CTXND1: variants seen among roughly 807,000 people sequenced by gnomAD.
The protein encoded by CTXND1 is cortexin domain containing 1, also known as cortexin domain-containing 1 protein.
chr15:80,250,383 C>T (rs891262691), intron 1 of CTXND1, among the ~76,000 whole-genome samples: 1 of 152,010 alleles, frequency 6.6e-6, no homozygotes, highest in Non-Finnish European at 1.5e-5. Context: ...TAAACAACTC[C>T]TATTCTGCCA....
At chr15:80,248,456 TCCTGGCTTAAAACTCCTCAATCTCTCC>T (rs1235089408) in intron 1 of CTXND1, among the ~76,000 whole-genome samples, 1 of 152,180 alleles carries the variant, frequency 6.6e-6, no homozygotes, top group Non-Finnish European at 1.5e-5. Context: ...CACATTACTC[TCCTGGCTTAAAACTCCTCAATCTCTCC>T]CCATTGTCTA....
intron 1 of CTXND1, among the ~76,000 whole-genome samples, chr15:80,205,664 G>A (rs1444643987): frequency 1.3e-5 from 2 of 152,098 alleles, no homozygotes; most frequent in Admixed American, 6.6e-5. Flanking sequence ...TCCAGACAAC[G>A]AGACACCAGA....
At chr15:80,204,006 C>T (rs1013539843) in intron 1 of CTXND1, among the ~76,000 whole-genome samples, 3 of 150,892 alleles carry the variant, frequency 2.0e-5, no homozygotes, top group African/African-American at 7.3e-5. Context: ...ACAAAAAGTA[C>T]AAAAAGTTTA....
intron 1 of CTXND1, among the ~76,000 whole-genome samples, chr15:80,238,615 G>C (rs1203073696): frequency 6.6e-6 from 1 of 151,904 alleles, no homozygotes; most frequent in Non-Finnish European, 1.5e-5. Flanking sequence ...CTCCCGAGTA[G>C]CTAGGACTAC....
intron 1 of CTXND1, among the ~76,000 whole-genome samples, chr15:80,241,152 C>T (rs1162419095): frequency 4.6e-5 from 7 of 152,098 alleles, no homozygotes; most frequent in Admixed American, 2.0e-4. Context: ...AAGAGCTAAG[C>T]GATGGAGGTG....
chr15:80,232,821 C>T (rs1314393571), intron 1 of CTXND1, among the ~76,000 whole-genome samples: 1 of 152,150 alleles, frequency 6.6e-6, no homozygotes, highest in East Asian at 1.9e-4. Flanking sequence ...AAGTGAAAAA[C>T]AGAAGCCAGA....
chr15:80,242,229 A>G (rs1238380493), intron 1 of CTXND1, among the ~76,000 whole-genome samples: 1 of 152,190 alleles, frequency 6.6e-6, no homozygotes, highest in Non-Finnish European at 1.5e-5. Context: ...GAGAGGCCCT[A>G]AAACGAGTTC....
At chr15:80,233,992 C>A (rs1893462635) in intron 1 of CTXND1, among the ~76,000 whole-genome samples, 1 of 152,178 alleles carries the variant, frequency 6.6e-6, no homozygotes, top group Non-Finnish European at 1.5e-5. Flanking sequence ...TTCCCATTAA[C>A]AGAGGTAAAA....
Position 80,196,399 on chromosome 15 carries a change from C to T in CTXND1, c.*5371G>A, listed in dbSNP as rs1443095562. On this transcript the variant is annotated 3_prime_UTR_variant, in exon 3 of 3. Transcript: ENST00000560778. ...GGTCATTCCACCAGATAAAATTCTC[C>T]AACAGCTAAGGGACTGCCAGAAAGT... 6.6e-6 allele frequency: 1 copy of T among 152,148 alleles called. No homozygotes were observed. The highest frequency in any genetic ancestry group is 1.5e-5 in the Non-Finnish European group (1 of 68,030). 9.4% of individuals were successfully genotyped at this position (152,148 alleles called of 1,614,324 possible). A position where few individuals can be genotyped will look rare whatever the true frequency, so the allele number is the denominator to read the frequency against.
At chr15:80,232,973 T>C (rs1373595843) in intron 1 of CTXND1, among the ~76,000 whole-genome samples, 1 of 148,736 alleles carries the variant, frequency 6.7e-6, no homozygotes, top group Non-Finnish European at 1.5e-5. Flanking sequence ...GACTGAGTCT[T>C]GCTCTGTTTC....
intron 1 of CTXND1, among the ~76,000 whole-genome samples, chr15:80,250,349 C>T (rs1054152216): frequency 2.0e-5 from 3 of 151,608 alleles, no homozygotes; most frequent in Admixed American, 2.0e-4. Context: ...TTTTTTCAGG[C>T]CAATTAAAGT....
intron 1 of CTXND1, among the ~76,000 whole-genome samples, chr15:80,244,472 G>C (rs934704250): frequency 1.3e-5 from 2 of 152,218 alleles, no homozygotes; most frequent in East Asian, 3.8e-4. Flanking sequence ...TTCTTCCAGG[G>C]GGATGTGCAA....
rs1405451948 is a variant in CTXND1 at position 80,197,794 on chromosome 15, A to C, written c.*3976T>G. 1 of 152,220 alleles carries C rather than the reference A, an allele frequency of 6.6e-6. No individual in the cohort carries two copies. Among genetic ancestry groups the C allele is most frequent in the Non-Finnish European group, 1.5e-5 (1 of 68,044 alleles). 9.4% of individuals were successfully genotyped at this position (152,220 alleles called of 1,614,324 possible). A position where few individuals can be genotyped will look rare whatever the true frequency, so the allele number is the denominator to read the frequency against. ...TGAAACCACACTAGTGGACACACCA[A>C]ACTTTGTAGTTCTCTTCACTTGGTG... On this transcript the variant is annotated 3_prime_UTR_variant, in exon 3 of 3. Coordinates refer to ENST00000560778, the MANE Select transcript of CTXND1 (RefSeq NM_001352888.2).
rs78273936 is a variant in CTXND1, at chr15:80,204,450, C to T, written c.-217-710G>A. Reference sequence around the variant, plus strand: ...AGACCATAACTCCCCATTCCCCTTCCCCCAGCCCGGGGCGGCCACCATTCT... The same window carrying T: ...AGACCATAACTCCCCATTCCCCTTCTCCCAGCCCGGGGCGGCCACCATTCT... On this transcript the variant is annotated intron_variant, in intron 1 of 2. Coordinates refer to ENST00000560778, the MANE Select transcript of CTXND1 (RefSeq NM_001352888.2). Among the ~76,000 whole-genome samples the T allele has an allele frequency of 0.026, 3,862 of 150,850 alleles. 333 individuals are homozygous for T. The East Asian group carries it at 0.28, about 11-fold the overall frequency.
At chr15:80,235,816 C>T (rs1893488648) in intron 1 of CTXND1, among the ~76,000 whole-genome samples, 1 of 151,788 alleles carries the variant, frequency 6.6e-6, no homozygotes, top group African/African-American at 2.4e-5. Context: ...TAGCCTGACA[C>T]AAATCATTCA....
chr15:80,237,546 G>A (rs1196788324), intron 1 of CTXND1, among the ~76,000 whole-genome samples: 1 of 151,952 alleles, frequency 6.6e-6, no homozygotes. Flanking sequence ...AGGCTCATGT[G>A]ATTGTTTGTG....
intron 1 of CTXND1, among the ~76,000 whole-genome samples, chr15:80,236,274 T>G (rs1893494340): frequency 6.6e-6 from 1 of 152,058 alleles, no homozygotes; most frequent in Admixed American, 6.6e-5. Context: ...ACAAAACGAT[T>G]AAAATCATGA....
chr15:80,208,416 G>T (rs1029266997), intron 1 of CTXND1, among the ~76,000 whole-genome samples: 2 of 152,254 alleles, frequency 1.3e-5, no homozygotes, highest in South Asian at 2.1e-4. Context: ...GGGGTGGAAG[G>T]TCAGTGCTCT....
At chr15:80,214,227 A>T (rs1049710765) in intron 1 of CTXND1, among the ~76,000 whole-genome samples, 4 of 152,168 alleles carry the variant, frequency 2.6e-5, no homozygotes, top group South Asian at 2.1e-4. Context: ...TTTTATTTTA[A>T]TATTGATAGA....
Sources: gnomAD v4.1 joint callset for allele counts (sites outside exome capture counted in the v4.1 genomes callset) on GRCh38, gnomAD v4.1.1 for gene constraint, MANE v1.5 for transcripts, NCBI Gene and HGNC (gene_info 2026-07-23, HGNC 2026-07-21) for gene names.